The following LRRTM3 variants were observed in gnomAD, a reference collection of about 807,000 sequenced individuals.
LRRTM3 encodes leucine rich repeat transmembrane neuronal 3, also known as leucine-rich repeat transmembrane neuronal protein 3.
LRRTM3 carries 24 observed loss-of-function variants against 44.7 expected under a neutral mutation model. The observed-to-expected ratio is 0.54, with a 90% confidence interval of 0.39 to 0.76. LRRTM3 has a LOEUF of 0.76. LRRTM3 is among the 30% of genes least tolerant of loss of function. The pLI, the probability that LRRTM3 is intolerant of heterozygous loss-of-function variation, is 0.00. For synonymous variants in LRRTM3, 277 were observed against 278.7 expected, an observed-to-expected ratio of 0.99 and a Z score of 0.06; for missense variants, 587 against 702.2, an observed-to-expected ratio of 0.84 and a Z score of 1.85.
At chr10:67,056,875 A>G (rs150768649) in intron 2 of LRRTM3, among the ~76,000 whole-genome samples, 1 of 152,298 alleles carries the variant, frequency 6.6e-6, no homozygotes, top group African/African-American at 2.4e-5. Context: ...GGTTACATCA[A>G]TATCAAGTGA....
chr10:66,981,701 T>C (rs1850451828), intron 2 of LRRTM3, among the ~76,000 whole-genome samples: 1 of 152,238 alleles, frequency 6.6e-6, no homozygotes, highest in South Asian at 2.1e-4. Context: ...ATCAAATGGA[T>C]GGAACCTATT....
At chr10:67,024,809 T>C (rs1004328006) in intron 2 of LRRTM3, among the ~76,000 whole-genome samples, 2 of 152,122 alleles carry the variant, frequency 1.3e-5, no homozygotes, top group African/African-American at 2.4e-5. Context: ...AAAAGTTATT[T>C]ATAACCAATA....
At chr10:67,012,031 A>T (rs1272472006) in intron 2 of LRRTM3, among the ~76,000 whole-genome samples, 1 of 152,170 alleles carries the variant, frequency 6.6e-6, no homozygotes, top group Non-Finnish European at 1.5e-5. Context: ...TATATGAGGA[A>T]ACAGAAACTT....
chr10:66,994,242 AGAAG>A (rs1202396172), intron 2 of LRRTM3, among the ~76,000 whole-genome samples: 1 of 152,208 alleles, frequency 6.6e-6, no homozygotes, highest in Non-Finnish European at 1.5e-5. Context: ...ATGAAAAGAA[AGAAG>A]GAAGAAAGGA....
rs1171823362 is a variant in LRRTM3 at position 66,928,470 on chromosome 10, A to G, written c.1536+18A>G. On this transcript the variant is annotated intron_variant, in intron 2 of 2. Transcript: ENST00000361320. The stretch of plus-strand genomic sequence containing the variant: ...AGTGTGAGGTATGAACCATTGTGAT[A>G]AAAAGAGCTCTTAAAAGCTGGGAAA... 2.6e-6 allele frequency: 4 copies of G among 1,565,874 alleles called. No individual in the cohort carries two copies. The highest frequency in any genetic ancestry group is 4.0e-5 in the Admixed American group (2 of 50,350).
chr10:66,990,922 GCAAA>G (rs1451493564), intron 2 of LRRTM3, among the ~76,000 whole-genome samples: 3 of 152,108 alleles, frequency 2.0e-5, no homozygotes, highest in Non-Finnish European at 4.4e-5. Flanking sequence ...GAATGGTGAG[GCAAA>G]CAAAGCATCA....
rs768490813 is a variant in LRRTM3 at position 67,062,129 on chromosome 10, T to C, written c.1537-35458T>C. Among the ~76,000 whole-genome samples, 4 of 152,278 alleles carry C rather than the reference T, an allele frequency of 2.6e-5. No individual in the cohort carries two copies. In the South Asian group the frequency reaches 6.2e-4, roughly 24 times the overall value. On this transcript the variant is annotated intron_variant, in intron 2 of 2. Transcript: ENST00000361320. ...ATATATACATTATCTCTTAGGATCA[T>C]ATAACAAAGTTTGAGGCAGGTGGAT...
intron 2 of LRRTM3, 23 bp downstream of exon 2, chr10:66,928,475 G>C: frequency 6.4e-7 from 1 of 1,560,544 alleles, no homozygotes; most frequent in East Asian, 2.2e-5. Flanking sequence ...GTGATAAAAA[G>C]AGCTCTTAAA....
At chr10:66,991,495 A>T (rs142930814) in intron 2 of LRRTM3, among the ~76,000 whole-genome samples, 26 of 152,300 alleles carry the variant, frequency 1.7e-4, no homozygotes, top group African/African-American at 6.3e-4. Context: ...ATATTTAAAC[A>T]TTATAAAGTA....
At chr10:66,930,695 T>C (rs1847329295) in intron 2 of LRRTM3, among the ~76,000 whole-genome samples, 1 of 152,146 alleles carries the variant, frequency 6.6e-6, no homozygotes, top group Non-Finnish European at 1.5e-5. Context: ...TGAAAAGCAT[T>C]CCTAAAATTC....
intron 2 of LRRTM3, among the ~76,000 whole-genome samples, chr10:67,053,519 T>C (rs1855241549): frequency 6.6e-6 from 1 of 152,180 alleles, no homozygotes; most frequent in African/African-American, 2.4e-5. Context: ...TTGAAGAAGC[T>C]TGAAATAGAG....
At chr10:67,002,750 AG>A (rs1851758583) in intron 2 of LRRTM3, among the ~76,000 whole-genome samples, 1 of 152,050 alleles carries the variant, frequency 6.6e-6, no homozygotes, top group Non-Finnish European at 1.5e-5. Flanking sequence ...TTAATTCCAG[AG>A]TCACTGGCCA....
chr10:66,959,987 G>C (rs1413512243), intron 2 of LRRTM3, among the ~76,000 whole-genome samples: 1 of 152,076 alleles, frequency 6.6e-6, no homozygotes, highest in Non-Finnish European at 1.5e-5. Flanking sequence ...AGGCTAGTCT[G>C]TACTGAGTTT....
rs571463214 is a variant in LRRTM3 at position 66,983,067 on chromosome 10, G to T, written c.1536+54615G>T. 7.9e-5 allele frequency among the ~76,000 whole-genome samples: 12 copies of T among 152,218 alleles called. No individual in the cohort carries two copies. In the South Asian group the frequency reaches 2.5e-3, roughly 32 times the overall value. ...CTGCCGAACTTCCTGGTCAAGCAGGGGTTTTTTGATTTCATAAATCAATTA... is the reference window on the plus strand; with the variant it reads ...CTGCCGAACTTCCTGGTCAAGCAGGTGTTTTTTGATTTCATAAATCAATTA... On this transcript the variant is annotated intron_variant, in intron 2 of 2. Transcript: ENST00000361320.
chr10:67,000,532 A>G (rs1325098095), intron 2 of LRRTM3, among the ~76,000 whole-genome samples: 1 of 152,196 alleles, frequency 6.6e-6, no homozygotes, highest in Non-Finnish European at 1.5e-5. Flanking sequence ...TCACAAAATT[A>G]CAACAAGCTA....
chr10:67,019,250 G>T (rs143413535), intron 2 of LRRTM3, among the ~76,000 whole-genome samples: 10,776 of 151,880 alleles, frequency 0.071, 463 homozygotes, highest in Non-Finnish European at 0.096. Context: ...ACGTAGTCTC[G>T]CTCTGTTGCC....
Position 66,997,871 on chromosome 10 carries a change from C to T in LRRTM3, c.1536+69419C>T, listed in dbSNP as rs78314792. The stretch of plus-strand genomic sequence containing the variant: ...TACAGTCATCCATTCCACTCCATCC[C>T]CACACTCCTAATTGGTGATTAAGAC... On this transcript the variant is annotated intron_variant, in intron 2 of 2. Coordinates refer to ENST00000361320, the MANE Select transcript of LRRTM3 (RefSeq NM_178011.5). Among the ~76,000 whole-genome samples, 15 of 152,248 alleles carry T rather than the reference C, an allele frequency of 9.9e-5. No individual in the cohort carries two copies. The East Asian group carries it at 2.3e-3, about 24-fold the overall frequency.
intron 2 of LRRTM3, among the ~76,000 whole-genome samples, chr10:66,957,415 CAT>C (rs549686922): frequency 0.079 from 2,569 of 32,500 alleles, 132 homozygotes; most frequent in African/African-American, 0.32. Flanking sequence ...TATATATATG[CAT>C]ATATATATAT....
At position 67,034,035 on chromosome 10, in the gene LRRTM3, G is replaced by A. The variant is rs936130272; in HGVS notation, c.1537-63552G>A. On this transcript the variant is annotated intron_variant, in intron 2 of 2. Transcript: ENST00000361320. Reference sequence around the variant, plus strand: ...GATCCGCCTGCCTCGGCCTTCCAACGTGCTGAGACTACAGGCGTGAGCCAC... The same window carrying A: ...GATCCGCCTGCCTCGGCCTTCCAACATGCTGAGACTACAGGCGTGAGCCAC... 2.6e-5 allele frequency among the ~76,000 whole-genome samples: 4 copies of A among 152,266 alleles called. No individual in the cohort carries two copies. The East Asian group carries it at 5.8e-4, about 22-fold the overall frequency.
Sources: allele counts gnomAD v4.1 joint callset (sites outside exome capture counted in the v4.1 genomes callset), GRCh38; gene constraint gnomAD v4.1.1; transcripts MANE v1.5; gene names NCBI Gene and HGNC (gene_info 2026-07-23, HGNC 2026-07-21).